TLE1: variants seen among roughly 807,000 people sequenced by gnomAD.
TLE1 encodes TLE family member 1, transcriptional corepressor.
A neutral mutation model predicts 89.8 loss-of-function variants in TLE1; 21 were observed. The observed-to-expected ratio is 0.23, with a 90% CI of 0.17 to 0.34. TLE1 has a LOEUF of 0.34. Ranked by LOEUF, TLE1 falls within the 10% of genes least tolerant of loss-of-function variation. TLE1 has a pLI of 1.00. For synonymous variants in TLE1, 447 were observed against 407.6 expected (o/e 1.10, Z -1.16); for missense variants, 795 against 1,031.2 (o/e 0.77, Z 3.14).
intron 8 of TLE1, among the ~76,000 whole-genome samples, chr9:81,627,553 AT>A (rs1035182373): frequency 2.6e-5 from 4 of 152,210 alleles, no homozygotes; most frequent in Non-Finnish European, 4.4e-5. Flanking sequence ...AAGAAGAACC[AT>A]TTTTTTAAGC....
At chr9:81,626,905 C>A (rs1051951645) in intron 8 of TLE1, among the ~76,000 whole-genome samples, 1 of 152,114 alleles carries the variant, frequency 6.6e-6, no homozygotes, top group Non-Finnish European at 1.5e-5. Flanking sequence ...TTTTAAATAA[C>A]CTCATGACAC....
At chr9:81,686,034 T>C (rs1834227902) in intron 2 of TLE1, 138 bp from the exon 3 acceptor site, 3 of 808,250 alleles carry the variant, frequency 3.7e-6, no homozygotes, top group Non-Finnish European at 6.0e-6. Context: ...ACCCAAAAGC[T>C]TTGTCCTTGC....
chr9:81,635,453 T>C lies in TLE1; in HGVS notation c.373-1152A>G, dbSNP rs78990820. 3.8e-3 allele frequency among the ~76,000 whole-genome samples: 579 copies of C among 152,288 alleles called. 6 individuals carry two copies. Among genetic ancestry groups the C allele is most frequent in the African/African-American group, 0.013 (538 of 41,558 alleles). ...TACACAGTATCATTGCTCTTATACA[T>C]TATATTTAAAAGCACATTGTATGAA... is the stretch of plus-strand genomic sequence containing the variant. On this transcript the variant is annotated intron_variant, in intron 6 of 19. Coordinates refer to ENST00000376499, the MANE Select transcript of TLE1 (RefSeq NM_005077.5).
At chr9:81,595,939 CAT>C (rs758695739) in intron 14 of TLE1, among the ~76,000 whole-genome samples, 2 of 151,876 alleles carry the variant, frequency 1.3e-5, no homozygotes, top group Admixed American at 6.6e-5. Context: ...AGAAATTACA[CAT>C]GTGAGGATTA....
rs1823486161 is a variant in TLE1 at position 81,609,982 on chromosome 9, C to G, written c.1331+238G>C. On this transcript the variant is annotated intron_variant, in intron 14 of 19. Coordinates refer to ENST00000376499, the MANE Select transcript of TLE1 (RefSeq NM_005077.5). ...CTCCAGCTCTTTCCTCCCACCTCGTCCTCATCTCCAACAGTTTCTCTCCAG... is the reference window on the plus strand; with the variant it reads ...CTCCAGCTCTTTCCTCCCACCTCGTGCTCATCTCCAACAGTTTCTCTCCAG... Among the ~76,000 whole-genome samples, 3 of 152,318 alleles carry G rather than the reference C, an allele frequency of 2.0e-5. No individual in the cohort carries two copies. The South Asian group carries it at 6.2e-4, about 32-fold the overall frequency.
chr9:81,627,318 CT>C (rs56255759), intron 8 of TLE1, among the ~76,000 whole-genome samples: 7,738 of 147,472 alleles, frequency 0.052, 633 homozygotes, highest in African/African-American at 0.18. Context: ...TGTTCTCTCA[CT>C]TTTTTTTTTT....
chr9:81,610,219 C>T lies in TLE1; in HGVS notation c.1331+1G>A. ...AAAACCAAGGTCTTTGAGGTACTTA[C>T]GGTTTCCCCCCAGGGATTCCTGCCA... On this transcript the variant is annotated splice_donor_variant, in intron 14 of 19. Transcript: ENST00000376499. LOFTEE classifies it high-confidence loss of function. The T allele has an allele frequency of 6.2e-7, 1 of 1,613,364 alleles. No homozygotes were observed. The highest frequency in any genetic ancestry group is 8.5e-7 in the Non-Finnish European group (1 of 1,179,586).
intron 5 of TLE1, 76 bp from the exon 6 acceptor site, chr9:81,652,364 A>G: frequency 7.7e-7 from 1 of 1,292,714 alleles, no homozygotes; most frequent in Non-Finnish European, 1.1e-6. Flanking sequence ...CAAAAAGTCA[A>G]ATGCTGTGTG....
Position 81,687,372 on chromosome 9 carries a change from A to C in TLE1, c.87T>G (p.Ile29Met). 1 of 1,610,162 alleles carries C rather than the reference A, an allele frequency of 6.2e-7. No individual in the cohort carries two copies. Among genetic ancestry groups the C allele is most frequent in the Non-Finnish European group, 8.5e-7 (1 of 1,179,232 alleles). ...KFTIPESLDR[I>M]KEEFQFLQAQ... ...CCTGCAGGAACTGGAATTCCTCTTT[A>C]ATCCGGTCCAGGGACTCCGGGATAG... The change falls in exon 2 of 20, where the codon ATT becomes ATG. Residue 29 changes from isoleucine (I) to methionine (M), a missense_variant. This residue lies in a region of TLE1 where 47 missense variants were observed against 48.5 expected (regional missense o/e 0.97). Transcript: ENST00000376499.
At chr9:81,635,261 C>T (rs1187628061) in intron 6 of TLE1, among the ~76,000 whole-genome samples, 2 of 152,158 alleles carry the variant, frequency 1.3e-5, no homozygotes, top group African/African-American at 4.8e-5. Flanking sequence ...TTCATTGTGA[C>T]TGATGAAAAT....
intron 13 of TLE1, 53 bp downstream of exon 13, chr9:81,611,716 A>G (rs898821292): frequency 1.2e-5 from 17 of 1,405,514 alleles, no homozygotes; most frequent in Middle Eastern, 2.6e-4. Flanking sequence ...ACAGCGCTCA[A>G]TGGAGCATGC....
chr9:81,604,089 C>A (rs2131972079), intron 14 of TLE1, among the ~76,000 whole-genome samples: 2 of 152,260 alleles, frequency 1.3e-5, no homozygotes, highest in Middle Eastern at 6.8e-3. Context: ...TGTGAAGACT[C>A]CCATGTACAC....
chr9:81,637,802 A>G (rs1827592316), intron 6 of TLE1, among the ~76,000 whole-genome samples: 2 of 152,046 alleles, frequency 1.3e-5, no homozygotes, highest in Non-Finnish European at 2.9e-5. Context: ...GTGCTCCTAG[A>G]TAATATCTAA....
At chr9:81,631,372 A>G (rs1468531526) in intron 8 of TLE1, among the ~76,000 whole-genome samples, 2 of 152,246 alleles carry the variant, frequency 1.3e-5, no homozygotes, top group Non-Finnish European at 2.9e-5. Flanking sequence ...GCTTAAGCAT[A>G]CAAACCTCTG....
chr9:81,649,486 T>C (rs998576064), intron 6 of TLE1, among the ~76,000 whole-genome samples: 2 of 152,204 alleles, frequency 1.3e-5, no homozygotes, highest in African/African-American at 4.8e-5. Flanking sequence ...TCCTTGATTG[T>C]ACCTTAAAGG....
At chr9:81,657,645 G>C (rs1431633425) in intron 4 of TLE1, among the ~76,000 whole-genome samples, 1 of 151,966 alleles carries the variant, frequency 6.6e-6, no homozygotes, top group Non-Finnish European at 1.5e-5. Flanking sequence ...GAAAGCAAAG[G>C]CAATGAATAC....
At chr9:81,687,702 G>A (rs1834500659) in intron 1 of TLE1, among the ~76,000 whole-genome samples, 1 of 152,002 alleles carries the variant, frequency 6.6e-6, no homozygotes, top group Non-Finnish European at 1.5e-5. Flanking sequence ...CCAAAGGGAA[G>A]GGGGCTCCCC....
At chr9:81,593,004 C>A in intron 15 of TLE1, 21 bp downstream of exon 15, 1 of 1,600,288 alleles carries the variant, frequency 6.2e-7, no homozygotes, top group Non-Finnish European at 8.6e-7. Context: ...TGCCCTTGTG[C>A]ACCAGTTCCT....
intron 2 of TLE1, among the ~76,000 whole-genome samples, chr9:81,686,241 G>A (rs57243941): frequency 0.014 from 2,060 of 152,248 alleles, 42 homozygotes; most frequent in African/African-American, 0.046. Flanking sequence ...TCCGGCCCTT[G>A]CACAATCTTC....
Sources: gnomAD v4.1 joint callset for allele counts (sites outside exome capture counted in the v4.1 genomes callset) on GRCh38, gnomAD v4.1.1 for gene constraint, gnomAD v4.1.1 regional missense constraint, MANE v1.5 for transcripts, NCBI Gene and HGNC (gene_info 2026-07-23, HGNC 2026-07-21) for gene names.